Variants in BNC2 observed in about 807,000 individuals in gnomAD.
BNC2 encodes zinc finger protein basonuclin-2.
In BNC2, 20 loss-of-function variants were observed where a neutral mutation model predicts 76.3. The observed-to-expected ratio is 0.26, with a 90% CI of 0.18 to 0.38. BNC2 has a LOEUF of 0.38. BNC2 is among the 10% of genes least tolerant of loss of function. The pLI, the probability that BNC2 is intolerant of heterozygous loss-of-function variation, is 1.00. For synonymous variants in BNC2, 582 were observed against 514.8 expected (o/e 1.13, Z -1.77); for missense variants, 1,382 against 1,399.8 (o/e 0.99, Z 0.20).
chr9:16,706,398 G>A (rs1823674797), intron 3 of BNC2, among the ~76,000 whole-genome samples: 1 of 152,168 alleles, frequency 6.6e-6, no homozygotes, highest in Non-Finnish European at 1.5e-5. Context: ...CCCTGACCTT[G>A]AGCTACAGCC....
intron 5 of BNC2, among the ~76,000 whole-genome samples, chr9:16,520,515 T>C (rs990240785): frequency 3.3e-5 from 5 of 152,146 alleles, no homozygotes; most frequent in African/African-American, 1.2e-4. Flanking sequence ...CATTTTTCAC[T>C]ACCTAAATCT....
chr9:16,498,993 G>A (rs79065507), intron 5 of BNC2, among the ~76,000 whole-genome samples: 365 of 152,076 alleles, frequency 2.4e-3, no homozygotes, highest in Non-Finnish European at 4.1e-3. Flanking sequence ...TTTAATAACC[G>A]TTTTATTAGT....
chr9:16,437,116 G>C lies in BNC2; in HGVS notation c.1078C>G (p.Gln360Glu). 1 of 1,614,136 alleles carries C rather than the reference G, an allele frequency of 6.2e-7. No individual in the cohort carries two copies. The highest frequency in any genetic ancestry group is 8.5e-7 in the Non-Finnish European group (1 of 1,180,024). ...TCGCTGCTCTCATTATATTCATTCT[G>C]AGTTGAAAGGCTGGGTTCCCGCAGC... The part of the protein sequence containing the change: ...LRLREPSLST[Q>E]NEYNESSESE... The change falls in exon 6 of 7, where the codon CAG becomes GAG. Residue 360 changes from glutamine to glutamate, a missense_variant. Physicochemically the swap from Gln to Glu is conservative, Grantham distance 29. Around this residue, in one of 3 missense-constraint regions of BNC2, gnomAD observed 557 missense variants for 540.9 expected, o/e 1.03. Transcript: ENST00000380672.
chr9:16,741,687 G>A (rs1471114019), intron 1 of BNC2, among the ~76,000 whole-genome samples: 1 of 152,054 alleles, frequency 6.6e-6, no homozygotes, highest in Non-Finnish European at 1.5e-5. Context: ...GACAGGTGCG[G>A]TGGCTCACGC....
At chr9:16,435,450 G>T in intron 6 of BNC2, 105 bp downstream of exon 6, 1 of 1,352,892 alleles carries the variant, frequency 7.4e-7, no homozygotes, top group Non-Finnish European at 1.0e-6. Flanking sequence ...TCTTTACAGT[G>T]CACCAAAAAC....
At chr9:16,767,535 A>C (rs1025486355) in intron 1 of BNC2, among the ~76,000 whole-genome samples, 5 of 98,842 alleles carry the variant, frequency 5.1e-5, no homozygotes, top group Admixed American at 5.0e-4. Flanking sequence ...GCTTCAGAGT[A>C]GAGTCAGCCT....
intron 3 of BNC2, among the ~76,000 whole-genome samples, chr9:16,588,735 A>G (rs1211261756): frequency 6.6e-6 from 1 of 152,234 alleles, no homozygotes; most frequent in African/African-American, 2.4e-5. Context: ...AAGCTCTAAT[A>G]CAGAGGATAG....
Position 16,435,877 on chromosome 9 carries a change from T to C in BNC2, c.2317A>G (p.Lys773Glu). Reference sequence around the variant, plus strand: ...GGGTCTGTAAATTCTTCCTTCACCTTGATGACGTCCTGGTGAGAGGGCTCA... The same window carrying C: ...GGGTCTGTAAATTCTTCCTTCACCTCGATGACGTCCTGGTGAGAGGGCTCA... ...HSEPSHQDVI[K>E]VKEEFTDPTY... The change falls in exon 6 of 7, where the codon AAG becomes GAG. Residue 773 changes from lysine to glutamate, a missense_variant. Lys to Glu is a moderately conservative substitution (Grantham distance 56, BLOSUM62 1). Around this residue, in one of 3 missense-constraint regions of BNC2, gnomAD observed 798 missense variants for 775.5 expected, o/e 1.03. Transcript: ENST00000380672. 1 of 1,613,804 alleles carries C rather than the reference T, an allele frequency of 6.2e-7. No individual in the cohort carries two copies. Among genetic ancestry groups the C allele is most frequent in the Non-Finnish European group, 8.5e-7 (1 of 1,179,712 alleles).
At chr9:16,646,261 G>C (rs1458925156) in intron 3 of BNC2, among the ~76,000 whole-genome samples, 1 of 152,160 alleles carries the variant, frequency 6.6e-6, no homozygotes. Flanking sequence ...CCCTTGGGCA[G>C]GGAAGTAGTA....
chr9:16,766,943 G>C (rs1182635073), intron 1 of BNC2, among the ~76,000 whole-genome samples: 1 of 152,060 alleles, frequency 6.6e-6, no homozygotes, highest in Non-Finnish European at 1.5e-5. Context: ...GAGGAAAGAG[G>C]GACTTAACAA....
chr9:16,851,323 C>A (rs1435492598), intron 1 of BNC2, among the ~76,000 whole-genome samples: 1 of 151,302 alleles, frequency 6.6e-6, no homozygotes, highest in Non-Finnish European at 1.5e-5. Flanking sequence ...GCCTGGGCAG[C>A]ATAGTGAGAC....
intron 3 of BNC2, chr9:16,685,656 T>C (rs891973712): frequency 1.5e-6 from 2 of 1,293,328 alleles, no homozygotes; most frequent in Non-Finnish European, 2.0e-6. Context: ...CGTTAGATGC[T>C]GTGTATGGAG....
rs1220327938 is a variant in BNC2 at position 16,663,128 on chromosome 9, C to CTTTTTTTTTTT, written c.330+64668_330+64669insAAAAAAAAAAA. Reference sequence around the variant, plus strand: ...ATCCATAGGCACTCCACTCTGTTTACTCTTTTTTTTTTTTTTTTGGAGACG... The same window carrying CTTTTTTTTTTT: ...ATCCATAGGCACTCCACTCTGTTTACTTTTTTTTTTTTCTTTTTTTTTTTTTTTTGGAGACG... On this transcript the variant is annotated intron_variant, in intron 3 of 6. Transcript: ENST00000380672. 3.5e-4 allele frequency among the ~76,000 whole-genome samples: 18 copies of CTTTTTTTTTTT among 51,636 alleles called. 1 individual carries two copies. The highest frequency in any genetic ancestry group is 1.2e-3 in the African/African-American group (17 of 14,578). The allele number at this position is 51,636 out of a possible 152,430, so 33.9% of individuals were successfully genotyped here. A position where few individuals can be genotyped will look rare whatever the true frequency, so the allele number is the denominator to read the frequency against.
At chr9:16,665,822 C>A (rs1159488426) in intron 3 of BNC2, among the ~76,000 whole-genome samples, 2 of 152,078 alleles carry the variant, frequency 1.3e-5, no homozygotes, top group Admixed American at 1.3e-4. Context: ...AAATTATAAT[C>A]CTAAACGATC....
intron 3 of BNC2, among the ~76,000 whole-genome samples, chr9:16,605,692 G>C (rs1820363673): frequency 6.6e-6 from 1 of 151,596 alleles, no homozygotes; most frequent in African/African-American, 2.4e-5. Context: ...CAGCACAACA[G>C]AGACCAGAGC....
intron 5 of BNC2, among the ~76,000 whole-genome samples, chr9:16,510,724 T>C (rs1274647342): frequency 6.6e-6 from 1 of 152,190 alleles, no homozygotes; most frequent in Non-Finnish European, 1.5e-5. Context: ...GGGGAATAAA[T>C]TGACCTACAA....
At chr9:16,738,008 G>A (rs933562186) in intron 2 of BNC2, among the ~76,000 whole-genome samples, 9 of 151,826 alleles carry the variant, frequency 5.9e-5, no homozygotes, top group Non-Finnish European at 1.0e-4. Flanking sequence ...TATTAATATA[G>A]TATTATTATT....
At chr9:16,661,476 G>C (rs942580609) in intron 3 of BNC2, among the ~76,000 whole-genome samples, 5 of 147,214 alleles carry the variant, frequency 3.4e-5, no homozygotes, top group African/African-American at 1.2e-4. Context: ...TGAAAACAAA[G>C]CTAAGGTATG....
chr9:16,691,368 A>G (rs958318585), intron 3 of BNC2, among the ~76,000 whole-genome samples: 2 of 152,212 alleles, frequency 1.3e-5, no homozygotes, highest in Non-Finnish European at 2.9e-5. Flanking sequence ...TGACTTCGCT[A>G]GTGCTTTACT....
Sources: gnomAD v4.1 joint callset for allele counts (sites outside exome capture counted in the v4.1 genomes callset) on GRCh38, gnomAD v4.1.1 for gene constraint, gnomAD v4.1.1 regional missense constraint, MANE v1.5 for transcripts, NCBI Gene and HGNC (gene_info 2026-07-23, HGNC 2026-07-21) for gene names.